The following DGKI variants were observed in gnomAD, a reference collection of about 807,000 sequenced individuals.
DGKI encodes the protein diacylglycerol kinase iota, also known as DAG kinase iota.
A neutral mutation model predicts 147.5 loss-of-function variants in DGKI; 55 were observed. That is an observed-to-expected ratio of 0.37 (90% CI 0.30 to 0.47). The LOEUF (loss-of-function observed/expected upper bound fraction) is 0.47. DGKI is among the 20% of genes least tolerant of loss of function. The pLI is 1.00. For missense variants in DGKI, 1,007 were observed against 1,323.8 expected, an observed-to-expected ratio of 0.76 and a Z score of 3.71; for synonymous variants, 469 against 477.1, an observed-to-expected ratio of 0.98 and a Z score of 0.22.
chr7:137,592,143 T>G (rs1474336059), intron 12 of DGKI, among the ~76,000 whole-genome samples: 1 of 152,202 alleles, frequency 6.6e-6, no homozygotes, highest in Non-Finnish European at 1.5e-5. Flanking sequence ...GGAACCCGTT[T>G]CCACCTGAAG....
At chr7:137,652,559 A>C (rs1434753837) in intron 5 of DGKI, among the ~76,000 whole-genome samples, 1 of 151,914 alleles carries the variant, frequency 6.6e-6, no homozygotes, top group Non-Finnish European at 1.5e-5. Flanking sequence ...CACTGTCTGC[A>C]CTCTGGGTGG....
At chr7:137,782,058 G>A (rs1796534504) in intron 1 of DGKI, among the ~76,000 whole-genome samples, 1 of 152,184 alleles carries the variant, frequency 6.6e-6, no homozygotes, top group East Asian at 1.9e-4. Flanking sequence ...AAGAACTACT[G>A]TAGGAACATA....
intron 21 of DGKI, among the ~76,000 whole-genome samples, chr7:137,507,260 T>C (rs1214134807): frequency 6.6e-6 from 1 of 152,244 alleles, no homozygotes; most frequent in Non-Finnish European, 1.5e-5. Context: ...TTGGATTCCC[T>C]AGCTTGAGCT....
chr7:137,830,708 C>T (rs1410612642), intron 1 of DGKI, among the ~76,000 whole-genome samples: 6 of 152,042 alleles, frequency 3.9e-5, no homozygotes, highest in Admixed American at 2.0e-4. Flanking sequence ...TTCAAATATT[C>T]GAAGACCTGT....
chr7:137,577,294 A>G lies in DGKI; in HGVS notation c.1699-10T>C. The G allele has an allele frequency of 6.3e-7, 1 of 1,577,294 alleles. No homozygotes were observed. Among genetic ancestry groups the G allele is most frequent in the Non-Finnish European group, 8.7e-7 (1 of 1,153,730 alleles). On this transcript the variant is annotated splice_polypyrimidine_tract_variant and intron_variant, in intron 16 of 32. Coordinates refer to ENST00000614521, the MANE Select transcript of DGKI (RefSeq NM_001321708.2). ...AGTCAGAAAAAGCTGCCTATACCAC[A>G]GGGAAATAAAGAAGAAGAAATTCGT...
chr7:137,812,501 T>C (rs1285509138), intron 1 of DGKI, among the ~76,000 whole-genome samples: 1 of 152,220 alleles, frequency 6.6e-6, no homozygotes, highest in Non-Finnish European at 1.5e-5. Context: ...GCAGGATGAC[T>C]GATAAAGAAA....
At chr7:137,624,148 TG>T (rs544461972) in intron 6 of DGKI, among the ~76,000 whole-genome samples, 47 of 152,310 alleles carry the variant, frequency 3.1e-4, no homozygotes, top group South Asian at 2.9e-3. Context: ...ATCAATGAAA[TG>T]GTAAACCTAA....
chr7:137,395,564 G>C, intron 32 of DGKI, 34 bp downstream of exon 32: 3 of 1,593,670 alleles, frequency 1.9e-6, no homozygotes, highest in Non-Finnish European at 2.6e-6. Context: ...ATCTCGCCCA[G>C]CGGGAGGATG....
intron 31 of DGKI, among the ~76,000 whole-genome samples, chr7:137,397,059 A>G (rs1233711335): frequency 6.6e-6 from 1 of 152,254 alleles, no homozygotes; most frequent in Non-Finnish European, 1.5e-5. Flanking sequence ...TGTGATGGGT[A>G]TATTAAAAGG....
intron 21 of DGKI, among the ~76,000 whole-genome samples, chr7:137,515,287 G>T (rs1022344110): frequency 6.6e-6 from 1 of 152,106 alleles, no homozygotes; most frequent in Non-Finnish European, 1.5e-5. Context: ...CTGCCATATT[G>T]TATTATTTAT....
At chr7:137,570,591 T>C (rs1398078893) in intron 19 of DGKI, among the ~76,000 whole-genome samples, 1 of 145,078 alleles carries the variant, frequency 6.9e-6, no homozygotes, top group Non-Finnish European at 1.5e-5. Context: ...TTCTATAGTG[T>C]AATTTTTTTT....
Position 137,465,970 on chromosome 7 carries a change from C to A in DGKI, c.2550G>T (p.Val850=). 6.2e-7 allele frequency: 1 copy of A among 1,614,158 alleles called. No individual in the cohort carries two copies. Among genetic ancestry groups the A allele is most frequent in the South Asian group, 1.1e-5 (1 of 91,072 alleles). The change falls in exon 26 of 33, where the codon GTG becomes GTT. Residue 850 remains valine (V), a synonymous_variant. Transcript: ENST00000614521. ...DEIFILDPDM[V]VSQPAGTPPG... is the part of the protein sequence containing the mutation. ...GAGGTGTCCCCGCCGGCTGTGACAC[C>A]ACCATATCTGGGTCCAGAATAAAAA... is the stretch of plus-strand genomic sequence containing the variant.
At chr7:137,398,237 G>A (rs1430360100) in intron 30 of DGKI, among the ~76,000 whole-genome samples, 1 of 152,152 alleles carries the variant, frequency 6.6e-6, no homozygotes. Flanking sequence ...TATCATCCAA[G>A]TTGGGACCAC....
At chr7:137,835,816 T>C (rs1423123462) in intron 1 of DGKI, among the ~76,000 whole-genome samples, 3 of 152,194 alleles carry the variant, frequency 2.0e-5, no homozygotes, top group Admixed American at 6.5e-5. Context: ...TATTTTTCCA[T>C]AGATTCATGT....
In DGKI at chr7:137,390,624, AG is replaced by A. The variant is rs1290669705; in HGVS notation, c.*595del. ...TCCCAGCTCCTATATAATGAAACGG[AG>A]GGTTGGCGGGTGAGGGGGACATGCA... On this transcript the variant is annotated 3_prime_UTR_variant, in exon 33 of 33. Transcript: ENST00000614521. 6.5e-6 allele frequency: 1 copy of A among 153,342 alleles called. No homozygotes were observed. Among genetic ancestry groups the A allele is most frequent in the African/African-American group, 2.4e-5 (1 of 41,420 alleles). 9.5% of individuals were successfully genotyped at this position (153,342 alleles called of 1,614,324 possible).
rs531745495 is a variant in DGKI at position 137,672,039 on chromosome 7, C to A, written c.606+6518G>T. 2.1e-4 allele frequency among the ~76,000 whole-genome samples: 32 copies of A among 152,294 alleles called. 1 individual carries two copies. In the South Asian group the frequency reaches 6.6e-3, roughly 32 times the overall value. ...CATTTTTCCTCTTACACAACATACA[C>A]GCTCACTCACCTCACCATCTACCTA... is the stretch of plus-strand genomic sequence containing the variant. On this transcript the variant is annotated intron_variant, in intron 3 of 32. Transcript: ENST00000614521.
At chr7:137,664,425 GGAAAAA>G (rs1215175561) in intron 3 of DGKI, among the ~76,000 whole-genome samples, 1 of 148,584 alleles carries the variant, frequency 6.7e-6, no homozygotes, top group Non-Finnish European at 1.5e-5. Flanking sequence ...AAAAAGGAAA[GGAAAAA>G]GAAAAAGAAA....
rs566493567 is a variant in DGKI at position 137,676,112 on chromosome 7, TGA to T, written c.606+2443_606+2444del. Among the ~76,000 whole-genome samples the T allele has an allele frequency of 7.7e-3, 1,165 of 151,720 alleles. 9 individuals are homozygous for T. The highest frequency in any genetic ancestry group is 0.012 in the Non-Finnish European group (791 of 67,912). On this transcript the variant is annotated intron_variant, in intron 3 of 32. Coordinates refer to ENST00000614521, the MANE Select transcript of DGKI (RefSeq NM_001321708.2). ...CACAGTGCGAGGTGGGGAGAGAGAC[TGA>T]GAGGATTTTCAGTGCTTTCAGTACA...
At chr7:137,838,640 T>C (rs888867073) in intron 1 of DGKI, among the ~76,000 whole-genome samples, 34 of 152,204 alleles carry the variant, frequency 2.2e-4, no homozygotes, top group African/African-American at 7.7e-4. Flanking sequence ...GACTACATGA[T>C]ACACAAAAGC....
Sources: allele counts gnomAD v4.1 joint callset (sites outside exome capture counted in the v4.1 genomes callset), GRCh38; gene constraint gnomAD v4.1.1; transcripts MANE v1.5; gene names NCBI Gene and HGNC (gene_info 2026-07-23, HGNC 2026-07-21).